Variants in SLCO2A1 observed in about 807,000 individuals in gnomAD.
SLCO2A1 encodes matrin F/G 1.
Under a neutral mutation model 71.7 loss-of-function variants are expected in SLCO2A1, and 60 were observed. That is an observed-to-expected ratio of 0.84 (90% CI 0.68 to 1.04). The LOEUF (loss-of-function observed/expected upper bound fraction) is 1.04. SLCO2A1 is among the 50% of genes least tolerant of loss of function. The pLI, the probability that SLCO2A1 is intolerant of heterozygous loss-of-function variation, is 0.00. For missense variants in SLCO2A1, 745 were observed against 813.4 expected (o/e 0.92, Z 1.02); for synonymous variants, 308 against 326.7 (o/e 0.94, Z 0.62).
intron 2 of SLCO2A1, among the ~76,000 whole-genome samples, chr3:133,978,501 C>T (rs1238987908): frequency 1.3e-5 from 2 of 152,118 alleles, no homozygotes; most frequent in Admixed American, 1.3e-4. Flanking sequence ...AGCCTTATTC[C>T]AGCAGGAGAA....
At chr3:133,945,963 T>C (rs1933565265) in intron 9 of SLCO2A1, among the ~76,000 whole-genome samples, 1 of 152,194 alleles carries the variant, frequency 6.6e-6, no homozygotes, top group Non-Finnish European at 1.5e-5. Flanking sequence ...TGTTGTGGAT[T>C]AGAAAACCAA....
At chr3:134,023,760 G>A (rs1397660501) in intron 1 of SLCO2A1, among the ~76,000 whole-genome samples, 4 of 152,204 alleles carry the variant, frequency 2.6e-5, no homozygotes, top group Non-Finnish European at 4.4e-5. Context: ...CCATCTGCAC[G>A]TTAAACAAAA....
intron 10 of SLCO2A1, among the ~76,000 whole-genome samples, chr3:133,943,540 A>G (rs1047720885): frequency 1.3e-5 from 2 of 152,220 alleles, no homozygotes; most frequent in Non-Finnish European, 2.9e-5. Flanking sequence ...AAAGTTAGTT[A>G]TATAAAATAT....
chr3:133,987,196 G>C (rs1934737753), intron 1 of SLCO2A1, among the ~76,000 whole-genome samples: 1 of 114,964 alleles, frequency 8.7e-6, no homozygotes, highest in Non-Finnish European at 1.7e-5. Context: ...TTCCTCCTCA[G>C]CCAGAGTACT....
chr3:134,013,963 G>A (rs762512579), intron 1 of SLCO2A1, among the ~76,000 whole-genome samples: 4 of 152,068 alleles, frequency 2.6e-5, no homozygotes, highest in Non-Finnish European at 5.9e-5. Flanking sequence ...GGGCCTCTTG[G>A]TGGGGCAGTT....
chr3:133,979,464 C>T lies in SLCO2A1; in HGVS notation c.234+17G>A. The stretch of plus-strand genomic sequence containing the variant: ...GGTGCACAAGTGGAGTCTGATGGAC[C>T]AGAACCTCCTGCTCACCTCATTCAA... On this transcript the variant is annotated intron_variant, in intron 2 of 13. Transcript: ENST00000310926. 2 of 1,614,152 alleles carry T rather than the reference C, an allele frequency of 1.2e-6. No individual in the cohort carries two copies. The highest frequency in any genetic ancestry group is 1.7e-5 in the Admixed American group (1 of 60,028).
chr3:133,945,387 GC>G, intron 9 of SLCO2A1, 127 bp from the exon 10 acceptor site: 1 of 908,876 alleles, frequency 1.1e-6, no homozygotes, highest in Non-Finnish European at 1.6e-6. Context: ...TTGGGCCAGT[GC>G]CACCCTGGGA....
intron 3 of SLCO2A1, among the ~76,000 whole-genome samples, chr3:133,958,946 G>A (rs971938257): frequency 2.0e-5 from 3 of 152,136 alleles, no homozygotes; most frequent in South Asian, 2.1e-4. Context: ...CTCATAGGCC[G>A]TGGGGTGGCA....
intron 1 of SLCO2A1, among the ~76,000 whole-genome samples, chr3:134,006,450 T>C (rs1935217607): frequency 6.6e-6 from 1 of 152,180 alleles, no homozygotes; most frequent in Admixed American, 6.5e-5. Context: ...ACTGAGACTC[T>C]ATACCCCTTG....
chr3:133,965,035 C>T (rs993649268), intron 3 of SLCO2A1, among the ~76,000 whole-genome samples: 5 of 152,124 alleles, frequency 3.3e-5, no homozygotes, highest in African/African-American at 9.7e-5. Flanking sequence ...GAAATGTGAG[C>T]TTAATTAGTA....
intron 1 of SLCO2A1, among the ~76,000 whole-genome samples, chr3:133,982,726 C>A (rs1934622555): frequency 6.6e-6 from 1 of 152,094 alleles, no homozygotes; most frequent in Admixed American, 6.5e-5. Flanking sequence ...CAGGCCCTCA[C>A]CATCCCTCCT....
intron 2 of SLCO2A1, among the ~76,000 whole-genome samples, chr3:133,979,188 T>G (rs1462734566): frequency 6.6e-6 from 1 of 152,218 alleles, no homozygotes; most frequent in African/African-American, 2.4e-5. Context: ...CTCAGCATCC[T>G]TATCTGTGAA....
At chr3:133,951,449 A>T in intron 5 of SLCO2A1, 105 bp from the exon 6 acceptor site, 1 of 1,385,884 alleles carries the variant, frequency 7.2e-7, no homozygotes. Context: ...TCTTCCCAGG[A>T]TGCAGAAGAG....
intron 1 of SLCO2A1, among the ~76,000 whole-genome samples, chr3:134,000,868 A>G (rs1302584477): frequency 2.0e-5 from 3 of 152,196 alleles, no homozygotes; most frequent in African/African-American, 7.2e-5. Context: ...CTGAGACCAG[A>G]GCTTTGTGCC....
At chr3:133,960,077 G>A (rs1299440534) in intron 3 of SLCO2A1, among the ~76,000 whole-genome samples, 6 of 152,080 alleles carry the variant, frequency 3.9e-5, no homozygotes, top group African/African-American at 7.2e-5. Context: ...CCAAGATGGC[G>A]CCACTGCACT....
Position 133,933,176 on chromosome 3 carries a change from T to C in SLCO2A1, c.*1537A>G, listed in dbSNP as rs940853175. ...TGAATGGCCATGACCCATGCCCAGC[T>C]GTTCCAGAGGACATGGGGAGACAGA... On this transcript the variant is annotated 3_prime_UTR_variant, in exon 14 of 14. Coordinates refer to ENST00000310926, the MANE Select transcript of SLCO2A1 (RefSeq NM_005630.3). 1.6e-4 allele frequency: 24 copies of C among 152,232 alleles called. No individual in the cohort carries two copies. The highest frequency in any genetic ancestry group is 5.8e-4 in the African/African-American group (24 of 41,448). The allele number at this position is 152,232 out of a possible 1,614,324, so 9.4% of individuals were successfully genotyped here. A position where few individuals can be genotyped will look rare whatever the true frequency, so the allele number is the denominator to read the frequency against.
At chr3:134,019,874 TA>T (rs1438185040) in intron 1 of SLCO2A1, among the ~76,000 whole-genome samples, 1 of 152,062 alleles carries the variant, frequency 6.6e-6, no homozygotes, top group African/African-American at 2.4e-5. Context: ...CTGTTCCCAC[TA>T]AGGGAGGAGA....
At chr3:133,962,071 TTTTTA>T (rs540819798) in intron 3 of SLCO2A1, among the ~76,000 whole-genome samples, 5 of 152,236 alleles carry the variant, frequency 3.3e-5, no homozygotes, top group East Asian at 1.9e-4. Context: ...CTAGAATTTA[TTTTTA>T]TTTTATTTTA....
At chr3:133,979,244 C>T (rs952419460) in intron 2 of SLCO2A1, among the ~76,000 whole-genome samples, 1 of 152,236 alleles carries the variant, frequency 6.6e-6, no homozygotes, top group South Asian at 2.1e-4. Context: ...CATGAAGAGG[C>T]CCCCAGGTCA....
Sources: gnomAD v4.1 joint callset for allele counts (sites outside exome capture counted in the v4.1 genomes callset) on GRCh38, gnomAD v4.1.1 for gene constraint, MANE v1.5 for transcripts, NCBI Gene and HGNC (gene_info 2026-07-23, HGNC 2026-07-21) for gene names.